The following ECT2L variants were observed in gnomAD, a reference collection of about 807,000 sequenced individuals.
ECT2L encodes epithelial cell transforming 2 like.
A neutral mutation model predicts 122.8 loss-of-function variants in ECT2L; 126 were observed. The ratio of observed to expected loss-of-function variants is 1.03; its 90% CI spans 0.89 to 1.19. ECT2L has a LOEUF of 1.19. Among genes scored for constraint, ECT2L ranks in the 50% most tolerant of loss-of-function variants. The probability of loss-of-function intolerance (pLI) is 0.00; values close to 1 mark genes in which losing one functional copy is unlikely to be tolerated. For missense variants in ECT2L, 1,012 were observed against 1,064.1 expected (o/e 0.95, Z 0.68); for synonymous variants, 385 against 381.8 (o/e 1.01, Z -0.10).
chr6:138,807,524 C>T (rs1775752650), intron 1 of ECT2L, among the ~76,000 whole-genome samples: 1 of 152,178 alleles, frequency 6.6e-6, no homozygotes, highest in Admixed American at 6.5e-5. Context: ...CTAGACTCCA[C>T]TACACCGTCT....
chr6:138,814,958 C>T (rs1277533698), intron 4 of ECT2L, among the ~76,000 whole-genome samples: 1 of 152,186 alleles, frequency 6.6e-6, no homozygotes, highest in African/African-American at 2.4e-5. Context: ...TAGGCATAAT[C>T]ATTAAATGAA....
chr6:138,817,187 T>C (rs1376918422), intron 4 of ECT2L, among the ~76,000 whole-genome samples: 1 of 152,230 alleles, frequency 6.6e-6, no homozygotes, highest in Non-Finnish European at 1.5e-5. Flanking sequence ...ATTTTATTTA[T>C]CCACTCCTCA....
chr6:138,901,387 C>T (rs1025689827), intron 21 of ECT2L, among the ~76,000 whole-genome samples: 6 of 152,168 alleles, frequency 3.9e-5, no homozygotes, highest in African/African-American at 7.2e-5. Context: ...CCCCTATTTC[C>T]GTTCTTTGAA....
chr6:138,839,560 C>T lies in ECT2L; in HGVS notation c.342+1046C>T, dbSNP rs527341932. 1.8e-3 allele frequency among the ~76,000 whole-genome samples: 270 copies of T among 151,946 alleles called. 2 individuals carry two copies. The highest frequency in any genetic ancestry group is 6.1e-3 in the African/African-American group (254 of 41,444). On this transcript the variant is annotated intron_variant, in intron 5 of 21. Coordinates refer to ENST00000541398, the MANE Select transcript of ECT2L (RefSeq NM_001077706.3). ...TGTATTTTTAGCAGAGATGGGGTTT[C>T]GCCATGTTGGCCAGGCTGGTCTTGA...
At chr6:138,803,258 A>T (rs1775605174) in intron 1 of ECT2L, among the ~76,000 whole-genome samples, 1 of 151,382 alleles carries the variant, frequency 6.6e-6, no homozygotes, top group Non-Finnish European at 1.5e-5. Context: ...CCAACTCTAA[A>T]AAAAAAAAGG....
At chr6:138,881,643 G>A (rs375677288) in intron 15 of ECT2L, among the ~76,000 whole-genome samples, 109 of 151,824 alleles carry the variant, frequency 7.2e-4, no homozygotes, top group Middle Eastern at 3.4e-3. Context: ...AGATGGTCCC[G>A]TCTTGGGATG....
chr6:138,881,676 CA>C (rs1226717043), intron 15 of ECT2L, among the ~76,000 whole-genome samples: 1 of 151,888 alleles, frequency 6.6e-6, no homozygotes, highest in East Asian at 1.9e-4. Flanking sequence ...GACAGATCAT[CA>C]GGCATTAGAT....
chr6:138,843,733 C>T (rs1208549474), intron 6 of ECT2L, among the ~76,000 whole-genome samples: 1 of 152,026 alleles, frequency 6.6e-6, no homozygotes, highest in Non-Finnish European at 1.5e-5. Flanking sequence ...TCACTGTCAC[C>T]CAGGCTGTGC....
intron 16 of ECT2L, among the ~76,000 whole-genome samples, chr6:138,885,030 T>C (rs1168400404): frequency 1.4e-5 from 2 of 139,506 alleles, no homozygotes; most frequent in African/African-American, 5.5e-5. Context: ...TTCTTTTTTT[T>C]TTTTTTTTTT....
chr6:138,898,936 T>C (rs1779304480), intron 20 of ECT2L, among the ~76,000 whole-genome samples: 3 of 152,094 alleles, frequency 2.0e-5, no homozygotes, highest in Non-Finnish European at 4.4e-5. Flanking sequence ...AGATTAACAA[T>C]ATTTAATAAA....
Position 138,900,966 on chromosome 6 carries a change from T to C in ECT2L, c.2433T>C (p.His811=), listed in dbSNP as rs1440294527. Residue 811 remains histidine, a synonymous_variant, in exon 21 of 22, where the codon CAT becomes CAC. Coordinates refer to ENST00000541398, the MANE Select transcript of ECT2L (RefSeq NM_001077706.3). ...AACACAGGCTCTATGAACACATCCA[T>C]GATCTCAGCCTTTTCCTCTTCAATG... ...SFSLRLYEHI[H]DLSLFLFNDA... 6.2e-7 allele frequency: 1 copy of C among 1,613,932 alleles called. No individual in the cohort carries two copies.
chr6:138,859,236 A>G (rs1361169815), intron 10 of ECT2L, among the ~76,000 whole-genome samples: 2 of 152,224 alleles, frequency 1.3e-5, no homozygotes, highest in African/African-American at 4.8e-5. Context: ...TCCATGTATC[A>G]GTATCTCCTT....
chr6:138,874,793 C>T (rs895590131), intron 13 of ECT2L, among the ~76,000 whole-genome samples: 5 of 152,092 alleles, frequency 3.3e-5, no homozygotes, highest in Non-Finnish European at 4.4e-5. Context: ...CCATCATCCA[C>T]GCTGGAGTGC....
intron 18 of ECT2L, among the ~76,000 whole-genome samples, chr6:138,886,109 A>G (rs1778811553): frequency 6.9e-6 from 1 of 145,890 alleles, no homozygotes; most frequent in East Asian, 1.9e-4. Flanking sequence ...CTGATTTTTT[A>G]CACAACTAAA....
At chr6:138,822,927 A>G (rs528335987) in intron 4 of ECT2L, 12 of 1,613,748 alleles carry the variant, frequency 7.4e-6, no homozygotes, top group South Asian at 2.2e-5. Context: ...AGGCAATTCC[A>G]TGGTAGTGGC....
At chr6:138,859,722 C>T (rs1777749321) in intron 10 of ECT2L, among the ~76,000 whole-genome samples, 1 of 151,734 alleles carries the variant, frequency 6.6e-6, no homozygotes, top group Non-Finnish European at 1.5e-5. Flanking sequence ...GCTTTAAGAG[C>T]TCTTTATACA....
At chr6:138,864,002 T>TAAAAAAAAAAAAAAAAAAAA (rs1172466449) in intron 11 of ECT2L, among the ~76,000 whole-genome samples, 1 of 55,872 alleles carries the variant, frequency 1.8e-5, no homozygotes, top group African/African-American at 7.8e-5. Context: ...TCTCCGTATT[T>TAAAAAAAAAAAAAAAAAAAA]AAAAAAAAAA....
chr6:138,812,695 C>A, intron 1 of ECT2L, 143 bp from the exon 2 acceptor site: 1 of 152,358 alleles, frequency 6.6e-6, no homozygotes, highest in Non-Finnish European at 1.5e-5. Flanking sequence ...ATCCCAGCTA[C>A]TCCAGAGACT....
At position 138,883,004 on chromosome 6, in the gene ECT2L, G is replaced by C. The variant is rs1224416858; in HGVS notation, c.2028+133G>C. 3.2e-6 allele frequency: 3 copies of C among 949,158 alleles called. No homozygotes were observed. The African/African-American group carries it at 5.0e-5, about 16-fold the overall frequency. 58.8% of individuals were successfully genotyped at this position (949,158 alleles called of 1,614,324 possible). A position where few individuals can be genotyped will look rare whatever the true frequency, so the allele number is the denominator to read the frequency against. ...TCCCAGCTGTCTTCCCATACTGTGT[G>C]ATCTCTGAGGACAGGAACCCTGACT... On this transcript the variant is annotated intron_variant, in intron 16 of 21. Transcript: ENST00000541398.
Sources: gnomAD v4.1 joint callset for allele counts (sites outside exome capture counted in the v4.1 genomes callset) on GRCh38, gnomAD v4.1.1 for gene constraint, MANE v1.5 for transcripts, NCBI Gene and HGNC (gene_info 2026-07-23, HGNC 2026-07-21) for gene names.